The following PATJ variants were observed in gnomAD, a reference collection of about 807,000 sequenced individuals.
PATJ encodes PATJ crumbs cell polarity complex component.
A neutral mutation model predicts 224.9 loss-of-function variants in PATJ; 190 were observed. The ratio of observed to expected loss-of-function variants is 0.84; its 90% CI spans 0.75 to 0.95. PATJ has a LOEUF of 0.95. PATJ is among the 40% of genes least tolerant of loss of function. PATJ has a pLI of 0.00. For synonymous variants in PATJ, 769 were observed against 820.3 expected, an observed-to-expected ratio of 0.94 and a Z score of 1.07; for missense variants, 2,121 against 2,270.3, an observed-to-expected ratio of 0.93 and a Z score of 1.34.
intron 37 of PATJ, chr1:62,120,834 T>G (rs17123117): frequency 0.063 from 13,170 of 210,594 alleles, 1,006 homozygotes; most frequent in African/African-American, 0.21. Flanking sequence ...TAGTGCCCAT[T>G]AGCTGACTAT....
intron 29 of PATJ, among the ~76,000 whole-genome samples, chr1:62,024,531 A>C (rs1647403834): frequency 6.6e-6 from 1 of 152,112 alleles, no homozygotes; most frequent in South Asian, 2.1e-4. Flanking sequence ...ACTCAGAAAC[A>C]ACTAATTGAG....
intron 8 of PATJ, among the ~76,000 whole-genome samples, chr1:61,788,783 T>G (rs1220706136): frequency 6.6e-6 from 1 of 152,156 alleles, no homozygotes; most frequent in African/African-American, 2.4e-5. Flanking sequence ...CAAGCAATTC[T>G]CCTGCCTCAG....
chr1:61,938,721 G>A (rs1677276599), intron 27 of PATJ, among the ~76,000 whole-genome samples: 1 of 151,692 alleles, frequency 6.6e-6, no homozygotes, highest in Admixed American at 6.6e-5. Context: ...TTTAACTGCA[G>A]GAATAAAATC....
chr1:61,968,223 T>C (rs1682436118), intron 27 of PATJ, among the ~76,000 whole-genome samples: 1 of 152,174 alleles, frequency 6.6e-6, no homozygotes, highest in Non-Finnish European at 1.5e-5. Flanking sequence ...CAGGACTTAA[T>C]CTTTTTTTTG....
intron 29 of PATJ, among the ~76,000 whole-genome samples, chr1:62,027,835 T>A (rs1648322143): frequency 6.7e-6 from 1 of 150,254 alleles, no homozygotes; most frequent in Non-Finnish European, 1.5e-5. Flanking sequence ...TGAGATTGTT[T>A]GTTTTGCTGT....
At chr1:61,814,409 C>T (rs1655613545) in intron 14 of PATJ, among the ~76,000 whole-genome samples, 1 of 152,100 alleles carries the variant, frequency 6.6e-6, no homozygotes, top group Non-Finnish European at 1.5e-5. Context: ...TCCCAAAGTG[C>T]TGGGATTACA....
At chr1:61,980,199 T>A (rs561749863) in intron 27 of PATJ, among the ~76,000 whole-genome samples, 1 of 151,950 alleles carries the variant, frequency 6.6e-6, no homozygotes, top group Non-Finnish European at 1.5e-5. Context: ...GCTGGAGGAT[T>A]GCTTGAGCCC....
At chr1:61,914,099 C>T (rs1175099918) in intron 25 of PATJ, among the ~76,000 whole-genome samples, 1 of 152,176 alleles carries the variant, frequency 6.6e-6, no homozygotes, top group Non-Finnish European at 1.5e-5. Context: ...ACTTCTCATA[C>T]TTTTACTCTT....
At chr1:61,987,207 C>A (rs1474582286) in intron 27 of PATJ, among the ~76,000 whole-genome samples, 1 of 151,916 alleles carries the variant, frequency 6.6e-6, no homozygotes. Context: ...CACTATATTT[C>A]AAGAACACAG....
chr1:61,915,729 G>A (rs1449517681), intron 26 of PATJ, among the ~76,000 whole-genome samples: 1 of 144,594 alleles, frequency 6.9e-6, no homozygotes, highest in African/African-American at 2.6e-5. Context: ...ACAGAGTCTT[G>A]CTCAGTCGCC....
At chr1:61,931,912 TGTA>T (rs1676087890) in intron 27 of PATJ, among the ~76,000 whole-genome samples, 4 of 152,346 alleles carry the variant, frequency 2.6e-5, no homozygotes, top group Middle Eastern at 3.4e-3. Flanking sequence ...CACAGGAACA[TGTA>T]TGTAAAACTG....
At chr1:61,758,836 C>T (rs1204061461) in intron 1 of PATJ, among the ~76,000 whole-genome samples, 1 of 152,046 alleles carries the variant, frequency 6.6e-6, no homozygotes, top group African/African-American at 2.4e-5. Context: ...TCATAGCTCA[C>T]TATAGCCTCA....
At chr1:61,989,052 T>C (rs1556486) in intron 27 of PATJ, among the ~76,000 whole-genome samples, 36,776 of 152,064 alleles carry the variant, frequency 0.24, 4,698 homozygotes, top group East Asian at 0.45. Flanking sequence ...TGATCTTGTG[T>C]TCTGCGGGGC....
chr1:61,819,623 G>C (rs1348669681), intron 14 of PATJ, among the ~76,000 whole-genome samples: 1 of 152,122 alleles, frequency 6.6e-6, no homozygotes, highest in Non-Finnish European at 1.5e-5. Flanking sequence ...GCGGTGGGGG[G>C]GCGCGGGTGG....
chr1:62,026,488 C>CTG (rs58091307), intron 29 of PATJ, among the ~76,000 whole-genome samples: 2 of 69,360 alleles, frequency 2.9e-5, no homozygotes, highest in African/African-American at 1.1e-4. Flanking sequence ...GTGTGTGTGT[C>CTG]TGTGTGTGTG....
chr1:62,049,087 AT>A (rs967525182), intron 30 of PATJ, among the ~76,000 whole-genome samples: 4 of 151,454 alleles, frequency 2.6e-5, no homozygotes, highest in African/African-American at 9.7e-5. Context: ...GCTTTCTTTA[AT>A]TTTTTTTTCT....
At chr1:62,136,292 A>AAAG (rs1206079474) in intron 41 of PATJ, among the ~76,000 whole-genome samples, 1 of 151,636 alleles carries the variant, frequency 6.6e-6, no homozygotes, top group Non-Finnish European at 1.5e-5. Flanking sequence ...TCGGCCTCCC[A>AAAG]AAGTGCTGGG....
intron 29 of PATJ, among the ~76,000 whole-genome samples, chr1:62,023,737 G>C (rs534078101): frequency 3.5e-4 from 54 of 152,314 alleles, no homozygotes; most frequent in African/African-American, 1.2e-3. Context: ...TTCTAGGAGA[G>C]AAGCAATCCT....
chr1:62,002,980 A>G (rs529357482), intron 28 of PATJ, among the ~76,000 whole-genome samples: 2 of 152,272 alleles, frequency 1.3e-5, no homozygotes, highest in African/African-American at 2.4e-5. Flanking sequence ...GCATATATCA[A>G]TGTTCTTAGA....
Sources: allele counts gnomAD v4.1 joint callset (sites outside exome capture counted in the v4.1 genomes callset), GRCh38; gene constraint gnomAD v4.1.1; transcripts MANE v1.5; gene names NCBI Gene and HGNC (gene_info 2026-07-23, HGNC 2026-07-21).